Variants in ERICH5 observed in about 807,000 individuals in gnomAD.
The protein encoded by ERICH5 is glutamate rich 5.
Under a neutral mutation model 28.0 loss-of-function variants are expected in ERICH5, and 24 were observed. The observed-to-expected ratio is 0.86, with a 90% CI of 0.62 to 1.21. The LOEUF (loss-of-function observed/expected upper bound fraction) is 1.21. ERICH5 is among the 50% of genes most tolerant of loss of function. The probability of loss-of-function intolerance (pLI) is 0.00; values close to 1 mark genes in which losing one functional copy is unlikely to be tolerated. For missense variants in ERICH5, 421 were observed against 441.2 expected, an observed-to-expected ratio of 0.95 and a Z score of 0.41; for synonymous variants, 163 against 157.6, an observed-to-expected ratio of 1.03 and a Z score of -0.25.
intron 1 of ERICH5, among the ~76,000 whole-genome samples, chr8:98,073,454 A>AATTTTTTTTT (rs1814967640): frequency 1.0e-4 from 1 of 9,760 alleles, no homozygotes; most frequent in African/African-American, 8.6e-4. Context: ...ATATATATAT[A>AATTTTTTTTT]TATATGTATA....
intron 2 of ERICH5, among the ~76,000 whole-genome samples, chr8:98,090,419 A>G (rs1186738627): frequency 6.6e-6 from 1 of 152,166 alleles, no homozygotes; most frequent in African/African-American, 2.4e-5. Context: ...TGATATATAC[A>G]TAATGGATCT....
chr8:98,082,676 G>A (rs1036112100), intron 1 of ERICH5, among the ~76,000 whole-genome samples: 2 of 151,326 alleles, frequency 1.3e-5, no homozygotes, highest in Middle Eastern at 3.4e-3. Flanking sequence ...AAAATGGATC[G>A]GCCTGGGCAA....
intron 1 of ERICH5, among the ~76,000 whole-genome samples, chr8:98,071,241 C>T (rs1193999451): frequency 6.6e-6 from 1 of 152,096 alleles, no homozygotes; most frequent in Non-Finnish European, 1.5e-5. Context: ...CACGCCATTG[C>T]ACTCCAGCTT....
At chr8:98,077,950 C>G (rs534284575) in intron 1 of ERICH5, among the ~76,000 whole-genome samples, 1 of 152,114 alleles carries the variant, frequency 6.6e-6, no homozygotes, top group Non-Finnish European at 1.5e-5. Context: ...ATGATCAAAA[C>G]GAATTCTAGA....
intron 1 of ERICH5, among the ~76,000 whole-genome samples, chr8:98,080,895 G>A (rs1267271782): frequency 1.3e-5 from 2 of 151,994 alleles, no homozygotes; most frequent in Non-Finnish European, 2.9e-5. Context: ...AGAAGAGATG[G>A]GGTTTCACCA....
intron 2 of ERICH5, among the ~76,000 whole-genome samples, chr8:98,091,872 C>CTT (rs1199012274): frequency 2.3e-5 from 2 of 88,544 alleles, no homozygotes; most frequent in South Asian, 4.5e-4. Flanking sequence ...TTCTTTCTTT[C>CTT]TTTCTTTCTT....
At chr8:98,077,680 C>T (rs1815082620) in intron 1 of ERICH5, among the ~76,000 whole-genome samples, 1 of 152,120 alleles carries the variant, frequency 6.6e-6, no homozygotes, top group South Asian at 2.1e-4. Context: ...AACAATTGTT[C>T]CAAGAGTACC....
chr8:98,070,144 C>T (rs535948189), intron 1 of ERICH5, among the ~76,000 whole-genome samples: 5 of 152,096 alleles, frequency 3.3e-5, no homozygotes, highest in African/African-American at 4.8e-5. Context: ...GACTCCAAAG[C>T]CCCTGTTCTT....
intron 2 of ERICH5, among the ~76,000 whole-genome samples, chr8:98,090,609 A>AG (rs1815367434): frequency 6.6e-6 from 1 of 151,854 alleles, no homozygotes; most frequent in South Asian, 2.1e-4. Flanking sequence ...AGAAAAAAAA[A>AG]AAAAAAGAAA....
At chr8:98,086,945 C>T (rs551869479) in intron 1 of ERICH5, among the ~76,000 whole-genome samples, 130 of 131,594 alleles carry the variant, frequency 9.9e-4, no homozygotes, top group African/African-American at 3.4e-3. Context: ...AGCAAGACTC[C>T]GTCTCAAAAA....
At chr8:98,068,705 G>A (rs1363056285) in intron 1 of ERICH5, among the ~76,000 whole-genome samples, 3 of 152,138 alleles carry the variant, frequency 2.0e-5, no homozygotes, top group African/African-American at 4.8e-5. Flanking sequence ...ATCACTGCTC[G>A]AATCTTTCCT....
chr8:98,091,876 C>CT (rs1381195661), intron 2 of ERICH5, among the ~76,000 whole-genome samples: 11 of 91,838 alleles, frequency 1.2e-4, no homozygotes, highest in East Asian at 3.3e-4. Flanking sequence ...TTCTTTCTTT[C>CT]TTTCTTTCTT....
intron 1 of ERICH5, among the ~76,000 whole-genome samples, chr8:98,085,944 T>C (rs1407892986): frequency 6.6e-6 from 1 of 152,252 alleles, no homozygotes; most frequent in Non-Finnish European, 1.5e-5. Context: ...TGGCTTCACC[T>C]GTGGTACCAG....
At chr8:98,079,774 G>A (rs1055096740) in intron 1 of ERICH5, among the ~76,000 whole-genome samples, 17 of 152,022 alleles carry the variant, frequency 1.1e-4, no homozygotes, top group East Asian at 5.8e-4. Flanking sequence ...TCCTGACCTC[G>A]GGTGATCCAC....
chr8:98,070,719 GA>G (rs1172341575), intron 1 of ERICH5, among the ~76,000 whole-genome samples: 2 of 130,308 alleles, frequency 1.5e-5, no homozygotes, highest in Non-Finnish European at 3.4e-5. Context: ...TGAAAGAAAA[GA>G]AAAAAAAGCA....
intron 1 of ERICH5, among the ~76,000 whole-genome samples, chr8:98,073,424 CTCTCTCTCTA>C (rs1473045344): frequency 4.7e-5 from 1 of 21,246 alleles, no homozygotes; most frequent in East Asian, 3.6e-3. Context: ...CTCTCTCTCT[CTCTCTCTCTA>C]TATATATATA....
At position 98,090,658 on chromosome 8, in the gene ERICH5, G is replaced by A. The variant is rs557417864; in HGVS notation, c.1012+629G>A. On this transcript the variant is annotated intron_variant, in intron 2 of 2. Transcript: ENST00000318528. ...AGAAAATGACTGTCAGTCTGCTCTT[G>A]TTCTTCTGCAGTTTTAAAATCTGTA... 4.6e-5 allele frequency among the ~76,000 whole-genome samples: 7 copies of A among 151,558 alleles called. No homozygotes were observed. In the South Asian group the frequency reaches 1.5e-3, roughly 32 times the overall value.
At chr8:98,092,538 C>T (rs1439755501) in intron 2 of ERICH5, among the ~76,000 whole-genome samples, 2 of 152,132 alleles carry the variant, frequency 1.3e-5, no homozygotes, top group Non-Finnish European at 2.9e-5. Flanking sequence ...CTCCTGGCCT[C>T]AAGTGATCCT....
chr8:98,089,494 G>A lies in ERICH5; in HGVS notation c.477G>A (p.Gln159=), dbSNP rs771923338. 6.2e-6 allele frequency: 10 copies of A among 1,614,086 alleles called. No individual in the cohort carries two copies. The Admixed American group carries it at 6.7e-5, about 11-fold the overall frequency. The change falls in exon 2 of 3, where the codon CAG becomes CAA. Residue 159 remains glutamine (Q), a synonymous_variant. Coordinates refer to ENST00000318528, the MANE Select transcript of ERICH5 (RefSeq NM_173549.3). The part of the protein sequence containing the change: ...AQPLGPEAKG[Q]PLQAAVEKDS... ...CTTTAGGACCAGAAGCCAAGGGTCA[G>A]CCTTTGCAGGCAGCAGTAGAGAAGG...
Sources: gnomAD v4.1 joint callset for allele counts (sites outside exome capture counted in the v4.1 genomes callset) on GRCh38, gnomAD v4.1.1 for gene constraint, MANE v1.5 for transcripts, NCBI Gene and HGNC (gene_info 2026-07-23, HGNC 2026-07-21) for gene names.